GALNT3: variants seen among roughly 807,000 people sequenced by gnomAD.
GALNT3 encodes the protein polypeptide N-acetylgalactosaminyltransferase 3, also known as GalNAc transferase 3.
In GALNT3, 51 loss-of-function variants were observed where a neutral mutation model predicts 69.8. That is an observed-to-expected ratio of 0.73 (90% CI 0.58 to 0.92). GALNT3 has a LOEUF of 0.92. GALNT3 is among the 40% of genes least tolerant of loss of function. The pLI, the probability that GALNT3 is intolerant of heterozygous loss-of-function variation, is 0.00. For missense variants in GALNT3, 711 were observed against 760.0 expected, an observed-to-expected ratio of 0.94 and a Z score of 0.76; for synonymous variants, 265 against 248.5, an observed-to-expected ratio of 1.07 and a Z score of -0.63.
intron 1 of GALNT3, among the ~76,000 whole-genome samples, chr2:165,784,100 G>A (rs1683171274): frequency 6.6e-6 from 1 of 152,096 alleles, no homozygotes; most frequent in Non-Finnish European, 1.5e-5. Flanking sequence ...TCAACAGCTG[G>A]CCTCAAGTAG....
rs780344670 is a variant in GALNT3, at chr2:165,759,401, T to C, written c.1008A>G (p.Ser336=). 6.2e-7 allele frequency: 1 copy of C among 1,614,066 alleles called. No homozygotes were observed. Among genetic ancestry groups the C allele is most frequent in the South Asian group, 1.1e-5 (1 of 91,080 alleles). The change falls in exon 5 of 11, where the codon TCA becomes TCG. Residue 336 remains serine, a synonymous_variant. Coordinates refer to ENST00000392701, the MANE Select transcript of GALNT3 (RefSeq NM_004482.4). ...HNRGNFDWSL[S]FGWESLPDHE... is the part of the protein sequence containing the mutation. Reference sequence around the variant, plus strand: ...GATCAGGAAGCGACTCCCAGCCAAATGAAAGACTCCAGTCAAAATTTCCAC... The same window carrying C: ...GATCAGGAAGCGACTCCCAGCCAAACGAAAGACTCCAGTCAAAATTTCCAC...
chr2:165,754,240 C>T (rs907792824), intron 9 of GALNT3, among the ~76,000 whole-genome samples: 7 of 151,846 alleles, frequency 4.6e-5, no homozygotes, highest in Middle Eastern at 3.4e-3. Context: ...CAGGCATGCA[C>T]CACCACGCCC....
At chr2:165,790,790 G>A (rs552851421) in intron 1 of GALNT3, among the ~76,000 whole-genome samples, 5 of 152,144 alleles carry the variant, frequency 3.3e-5, no homozygotes, top group Admixed American at 6.5e-5. Flanking sequence ...TTGTGGAGAG[G>A]GGGAGTGTAA....
intron 6 of GALNT3, among the ~76,000 whole-genome samples, chr2:165,757,875 C>T (rs758995862): frequency 3.3e-5 from 5 of 152,236 alleles, no homozygotes; most frequent in Admixed American, 1.3e-4. Context: ...TGCCTTTTCA[C>T]TTAAATATCT....
At chr2:165,762,679 T>C (rs1342230577) in intron 3 of GALNT3, among the ~76,000 whole-genome samples, 2 of 152,236 alleles carry the variant, frequency 1.3e-5, no homozygotes, top group South Asian at 2.1e-4. Flanking sequence ...AATTTTAGTA[T>C]TGGGTATATA....
In GALNT3 at chr2:165,786,897, C is replaced by A. The variant is rs149898500; in HGVS notation, c.-109+7118G>T. Among the ~76,000 whole-genome samples the A allele has an allele frequency of 4.8e-3, 734 of 152,040 alleles. 5 individuals carry two copies. Among genetic ancestry groups the A allele is most frequent in the African/African-American group, 0.017 (714 of 41,458 alleles). ...ATGTAAATTGCTTAAAATATGCCTG[C>A]CATGTAAGTGTTCAATAGTAAATAA... On this transcript the variant is annotated intron_variant, in intron 1 of 10. Transcript: ENST00000392701.
intron 6 of GALNT3, among the ~76,000 whole-genome samples, chr2:165,758,105 G>A (rs1323654879): frequency 2.0e-5 from 3 of 152,086 alleles, no homozygotes; most frequent in Admixed American, 6.6e-5. Context: ...ACAAGACCCC[G>A]CCATAAGCAG....
intron 1 of GALNT3, among the ~76,000 whole-genome samples, chr2:165,777,482 T>C (rs1682984570): frequency 1.3e-5 from 2 of 152,128 alleles, no homozygotes; most frequent in South Asian, 4.1e-4. Context: ...TTTAAGTGCT[T>C]GGGTAGAAGT....
chr2:165,756,799 C>A (rs189727521), intron 7 of GALNT3, among the ~76,000 whole-genome samples: 1 of 152,056 alleles, frequency 6.6e-6, no homozygotes, highest in Admixed American at 6.6e-5. Context: ...AATATTGAAC[C>A]AGGGCAGCAA....
intron 9 of GALNT3, among the ~76,000 whole-genome samples, chr2:165,751,873 T>TA (rs1195752255): frequency 6.6e-6 from 1 of 152,136 alleles, no homozygotes; most frequent in Non-Finnish European, 1.5e-5. Context: ...CTCAGGGAAC[T>TA]AAAATTTGCA....
intron 2 of GALNT3, among the ~76,000 whole-genome samples, chr2:165,765,572 C>T (rs2105414085): frequency 6.6e-6 from 1 of 151,874 alleles, no homozygotes; most frequent in Non-Finnish European, 1.5e-5. Flanking sequence ...TCACTGCAAG[C>T]TTCACCTCCC....
chr2:165,792,223 A>G (rs529766491), intron 1 of GALNT3, among the ~76,000 whole-genome samples: 4 of 152,214 alleles, frequency 2.6e-5, no homozygotes, highest in Non-Finnish European at 5.9e-5. Flanking sequence ...TTAATCTAGG[A>G]AAGTATTATT....
chr2:165,753,661 C>T (rs548270986), intron 9 of GALNT3, among the ~76,000 whole-genome samples: 55 of 152,104 alleles, frequency 3.6e-4, no homozygotes, highest in African/African-American at 1.2e-3. Flanking sequence ...AGGAGTTAAG[C>T]TGCAAAAGGT....
intron 1 of GALNT3, chr2:165,771,143 G>GT (rs1358178205): frequency 1.3e-5 from 2 of 152,324 alleles, no homozygotes; most frequent in African/African-American, 4.8e-5. Context: ...TGATAACCAA[G>GT]GAATCAAAGG....
At chr2:165,788,328 A>AG (rs1279632377) in intron 1 of GALNT3, among the ~76,000 whole-genome samples, 1 of 151,472 alleles carries the variant, frequency 6.6e-6, no homozygotes, top group African/African-American at 2.4e-5. Context: ...AAAAAAAAAA[A>AG]AAAAAAAAAA....
intron 7 of GALNT3, among the ~76,000 whole-genome samples, chr2:165,756,819 ACTAT>A (rs1399828018): frequency 1.3e-5 from 2 of 152,314 alleles, no homozygotes; most frequent in Non-Finnish European, 1.5e-5. Flanking sequence ...ACAAAAATGA[ACTAT>A]CTTTCATATT....
At chr2:165,790,641 A>G (rs1046289526) in intron 1 of GALNT3, among the ~76,000 whole-genome samples, 1 of 152,140 alleles carries the variant, frequency 6.6e-6, no homozygotes, top group East Asian at 1.9e-4. Flanking sequence ...CTTAGGAGAA[A>G]TATTTCACCC....
rs193294976 is a variant in GALNT3 at position 165,747,650 on chromosome 2, A to T, written c.*1131T>A. The stretch of plus-strand genomic sequence containing the variant: ...AATTTTCTAAATATTGAACACAGGA[A>T]TTTTGCTATTCCTCATTTTTTGTGC... On this transcript the variant is annotated 3_prime_UTR_variant, in exon 11 of 11. Transcript: ENST00000392701. 1 of 153,034 alleles carries T rather than the reference A, an allele frequency of 6.5e-6. No individual in the cohort carries two copies. The highest frequency in any genetic ancestry group is 2.4e-5 in the African/African-American group (1 of 41,442). The allele number at this position is 153,034 out of a possible 1,614,324, so 9.5% of individuals were successfully genotyped here.
At position 165,782,392 on chromosome 2, in the gene GALNT3, CAA is replaced by C. The variant is rs11351097; in HGVS notation, c.-108-11586_-108-11585del. The stretch of plus-strand genomic sequence containing the variant: ...TGAGCTGGGGGAAAAAAAAGAATTA[CAA>C]AAAAAAAAAAAATCTCATAATGTTT... On this transcript the variant is annotated intron_variant, in intron 1 of 10. Transcript: ENST00000392701. Among the ~76,000 whole-genome samples the C allele has an allele frequency of 7.8e-3, 1,140 of 145,924 alleles. 11 individuals carry two copies. The highest frequency in any genetic ancestry group is 0.023 in the African/African-American group (909 of 39,830).
Sources: allele counts gnomAD v4.1 joint callset (sites outside exome capture counted in the v4.1 genomes callset), GRCh38; gene constraint gnomAD v4.1.1; transcripts MANE v1.5; gene names NCBI Gene and HGNC (gene_info 2026-07-23, HGNC 2026-07-21).